IL15RA: variants seen among roughly 807,000 people sequenced by gnomAD.
IL15RA encodes the protein interleukin-15 receptor subunit alpha.
Under a neutral mutation model 24.2 loss-of-function variants are expected in IL15RA, and 26 were observed. The ratio of observed to expected loss-of-function variants is 1.07; its 90% confidence interval spans 0.79 to 1.49. The LOEUF is 1.49. Ranked by LOEUF, IL15RA falls within the 40% of genes most tolerant of loss-of-function variation. The pLI is 0.00. For synonymous variants in IL15RA, 166 were observed against 157.6 expected (o/e 1.05, Z -0.40); for missense variants, 354 against 356.4 (o/e 0.99, Z 0.05).
intron 5 of IL15RA, among the ~76,000 whole-genome samples, chr10:5,956,988 C>T (rs999410821): frequency 3.1e-5 from 4 of 128,400 alleles, no homozygotes; most frequent in African/African-American, 9.3e-5. Context: ...GAGACAGGGT[C>T]TCCCTCTGTC....
In IL15RA at chr10:5,968,554, T is replaced by G; in HGVS notation, c.89-2215A>C. On this transcript the variant is annotated intron_variant, in intron 1 of 6. Coordinates refer to ENST00000379977, the MANE Select transcript of IL15RA (RefSeq NM_002189.4). The surrounding 1 kb of genome is among the most constrained non-coding windows in gnomAD (Gnocchi z 5.4). ...TGAGAGATGGAGTCGATCTCACAAGTTGTTGAGGTGGATTTGGATGCTGCT... is the reference window on the plus strand; with the variant it reads ...TGAGAGATGGAGTCGATCTCACAAGGTGTTGAGGTGGATTTGGATGCTGCT... 3.6e-6 allele frequency: 2 copies of G among 549,082 alleles called. No homozygotes were observed. The highest frequency in any genetic ancestry group is 6.5e-6 in the Non-Finnish European group (2 of 305,908). 34.0% of individuals were successfully genotyped at this position (549,082 alleles called of 1,614,324 possible). A position where few individuals can be genotyped will look rare whatever the true frequency, so the allele number is the denominator to read the frequency against.
rs1025130448 is a variant in IL15RA at position 5,960,174 on chromosome 10, C to T, written c.583+193G>A. On this transcript the variant is annotated intron_variant, in intron 4 of 6. Coordinates refer to ENST00000379977, the MANE Select transcript of IL15RA (RefSeq NM_002189.4). This position sits in a 1 kb window ranked among gnomAD's most constrained non-coding sequence, Gnocchi z 5.1. ...GGGTGTGGGCTTGCTTTTGCAGCTG[C>T]CCCAGCCACAGAGAAAGCCACGGAG... is the stretch of plus-strand genomic sequence containing the variant. Among the ~76,000 whole-genome samples the T allele has an allele frequency of 2.6e-5, 4 of 152,204 alleles. No individual in the cohort carries two copies. The highest frequency in any genetic ancestry group is 9.7e-5 in the African/African-American group (4 of 41,450).
rs962927878 is a variant in IL15RA at position 5,964,065 on chromosome 10, A to G, written c.284-224T>C. On this transcript the variant is annotated intron_variant, in intron 2 of 6. Transcript: ENST00000379977. The surrounding 1 kb of genome is among the most constrained non-coding windows in gnomAD (Gnocchi z 5.6). Reference sequence around the variant, plus strand: ...TTTCCAAAAAGACTGCACAAGTTAAATATCAAATTTATTTTGGCTGAGATT... The same window carrying G: ...TTTCCAAAAAGACTGCACAAGTTAAGTATCAAATTTATTTTGGCTGAGATT... Among the ~76,000 whole-genome samples the G allele has an allele frequency of 1.3e-5, 2 of 152,252 alleles. No individual in the cohort carries two copies. The highest frequency in any genetic ancestry group is 2.9e-5 in the Non-Finnish European group (2 of 68,042).
rs1837356247 is a variant in IL15RA, at chr10:5,970,288, G to T, written c.89-3949C>A. Among the ~76,000 whole-genome samples the T allele has an allele frequency of 1.3e-5, 2 of 152,140 alleles. No homozygotes were observed. The highest frequency in any genetic ancestry group is 1.3e-4 in the Admixed American group (2 of 15,274). On this transcript the variant is annotated intron_variant, in intron 1 of 6. Transcript: ENST00000379977. This position sits in a 1 kb window ranked among gnomAD's most constrained non-coding sequence, Gnocchi z 4.1. ...AAAGATCTGAAACAGCAGACTTCCA[G>T]TCTCTCCCCCAAGCCCTTGTGCTAT...
At position 5,975,904 on chromosome 10, in the gene IL15RA, CAAGA is replaced by C. The variant is rs1838375325; in HGVS notation, c.88+1497_88+1500del. Among the ~76,000 whole-genome samples the C allele has an allele frequency of 6.6e-6, 1 of 151,858 alleles. No homozygotes were observed. Among genetic ancestry groups the C allele is most frequent in the African/African-American group, 2.4e-5 (1 of 41,302 alleles). On this transcript the variant is annotated intron_variant, in intron 1 of 6. Coordinates refer to ENST00000379977, the MANE Select transcript of IL15RA (RefSeq NM_002189.4). The surrounding 1 kb of genome is among the most constrained non-coding windows in gnomAD (Gnocchi z 4.8). ...TGAGACTCCGTCTCAAAAAAGAAAA[CAAGA>C]AAGAAAGAAAAAGAAAAAGAAAAAA...
In IL15RA at chr10:5,971,672, G is replaced by A. The variant is rs569045128; in HGVS notation, c.89-5333C>T. On this transcript the variant is annotated intron_variant, in intron 1 of 6. Transcript: ENST00000379977. The surrounding 1 kb of genome is among the most constrained non-coding windows in gnomAD (Gnocchi z 5.5). The stretch of plus-strand genomic sequence containing the variant: ...GATGCTCACTGTGGAGCTGGTGTAC[G>A]GAAAAGGCAAAGGCCTCTGGCCTCA... 3.9e-5 allele frequency among the ~76,000 whole-genome samples: 6 copies of A among 152,314 alleles called. No individual in the cohort carries two copies. The East Asian group carries it at 5.8e-4, about 15-fold the overall frequency.
At position 5,971,842 on chromosome 10, in the gene IL15RA, T is replaced by A. The variant is rs578073299; in HGVS notation, c.89-5503A>T. ...CAATTCTTTTCTTTCTCTCTCAGACTCATTAACTGAGCTTCCTGACCCACC... is the reference window on the plus strand; with the variant it reads ...CAATTCTTTTCTTTCTCTCTCAGACACATTAACTGAGCTTCCTGACCCACC... On this transcript the variant is annotated intron_variant, in intron 1 of 6. Transcript: ENST00000379977. The surrounding 1 kb of genome is among the most constrained non-coding windows in gnomAD (Gnocchi z 5.5). Among the ~76,000 whole-genome samples, 142 of 152,350 alleles carry A rather than the reference T, an allele frequency of 9.3e-4. No homozygotes were observed. Among genetic ancestry groups the A allele is most frequent in the African/African-American group, 3.3e-3 (139 of 41,578 alleles).
At chr10:5,951,296 C>T (rs994348343), downstream of IL15RA, among the ~76,000 whole-genome samples, 1 of 152,128 alleles carries the variant, frequency 6.6e-6, no homozygotes. Flanking sequence ...GCACTCCAGC[C>T]TGGGTGACAC....
rs1193662423 is a variant in IL15RA, at chr10:5,955,056, C to T, written c.692+1323G>A. ...TCATTTTGACTTTATAGTAGCATTTCATGGAATGTGCATTTTGTCAAAATT... is the reference window on the plus strand; with the variant it reads ...TCATTTTGACTTTATAGTAGCATTTTATGGAATGTGCATTTTGTCAAAATT... On this transcript the variant is annotated intron_variant, in intron 6 of 6. Transcript: ENST00000379977. The surrounding 1 kb of genome is among the most constrained non-coding windows in gnomAD (Gnocchi z 5.3). Among the ~76,000 whole-genome samples the T allele has an allele frequency of 6.6e-6, 1 of 150,670 alleles. No homozygotes were observed. Among genetic ancestry groups the T allele is most frequent in the African/African-American group, 2.4e-5 (1 of 41,026 alleles).
chr10:5,960,836 C>A lies in IL15RA; in HGVS notation c.383-269G>T, dbSNP rs1564496738. Among the ~76,000 whole-genome samples, 3 of 152,188 alleles carry A rather than the reference C, an allele frequency of 2.0e-5. No individual in the cohort carries two copies. The highest frequency in any genetic ancestry group is 4.1e-4 in the South Asian group (2 of 4,826). Reference sequence around the variant, plus strand: ...GTGGGTCATGCCTATAATCCCAACACTTTGGGAGGCTGAGGTGTGAGGATC... The same window carrying A: ...GTGGGTCATGCCTATAATCCCAACAATTTGGGAGGCTGAGGTGTGAGGATC... On this transcript the variant is annotated intron_variant, in intron 3 of 6. Coordinates refer to ENST00000379977, the MANE Select transcript of IL15RA (RefSeq NM_002189.4). The surrounding 1 kb of genome is among the most constrained non-coding windows in gnomAD (Gnocchi z 5.1).
intron 5 of IL15RA, among the ~76,000 whole-genome samples, chr10:5,957,631 T>C (rs1374625807): frequency 6.6e-6 from 1 of 150,536 alleles, no homozygotes; most frequent in Non-Finnish European, 1.5e-5. Context: ...CTCACTGTGT[T>C]GCCCAGGCTG....
In IL15RA at chr10:5,964,626, G is replaced by A. The variant is rs1223238278; in HGVS notation, c.284-785C>T. On this transcript the variant is annotated intron_variant, in intron 2 of 6. Coordinates refer to ENST00000379977, the MANE Select transcript of IL15RA (RefSeq NM_002189.4). The surrounding 1 kb of genome is among the most constrained non-coding windows in gnomAD (Gnocchi z 5.6). ...CTTTGGACTCTAAAATCCTGATTCC[G>A]GGTTCTCTTCTTTCCTCTCCCATCC... Among the ~76,000 whole-genome samples the A allele has an allele frequency of 2.6e-5, 4 of 152,080 alleles. No individual in the cohort carries two copies. Among genetic ancestry groups the A allele is most frequent in the African/African-American group, 4.8e-5 (2 of 41,394 alleles).
At position 5,970,266 on chromosome 10, in the gene IL15RA, G is replaced by T. The variant is rs1188989890; in HGVS notation, c.89-3927C>A. On this transcript the variant is annotated intron_variant, in intron 1 of 6. Coordinates refer to ENST00000379977, the MANE Select transcript of IL15RA (RefSeq NM_002189.4). This position sits in a 1 kb window ranked among gnomAD's most constrained non-coding sequence, Gnocchi z 4.1. Reference sequence around the variant, plus strand: ...TACCACCACATACATATCCTGTAAAGATCTGAAACAGCAGACTTCCAGTCT... The same window carrying T: ...TACCACCACATACATATCCTGTAAATATCTGAAACAGCAGACTTCCAGTCT... 6.6e-6 allele frequency among the ~76,000 whole-genome samples: 1 copy of T among 152,160 alleles called. No homozygotes were observed. Among genetic ancestry groups the T allele is most frequent in the Non-Finnish European group, 1.5e-5 (1 of 68,036 alleles).
At position 5,964,806 on chromosome 10, in the gene IL15RA, C is replaced by T. The variant is rs1301055965; in HGVS notation, c.284-965G>A. Among the ~76,000 whole-genome samples, 4 of 152,212 alleles carry T rather than the reference C, an allele frequency of 2.6e-5. No individual in the cohort carries two copies. The highest frequency in any genetic ancestry group is 5.9e-5 in the Non-Finnish European group (4 of 68,034). On this transcript the variant is annotated intron_variant, in intron 2 of 6. Coordinates refer to ENST00000379977, the MANE Select transcript of IL15RA (RefSeq NM_002189.4). This position sits in a 1 kb window ranked among gnomAD's most constrained non-coding sequence, Gnocchi z 5.6. ...AGTCCCAGGACTGGCAGAGTAAGAC[C>T]CACCGTGGTTCCCACAGATCCTGCT...
At chr10:5,974,651 C>A (rs1370071193) in intron 1 of IL15RA, among the ~76,000 whole-genome samples, 1 of 152,078 alleles carries the variant, frequency 6.6e-6, no homozygotes, top group African/African-American at 2.4e-5. Flanking sequence ...CCAAAGCAGG[C>A]AGATCCCCTG....
At position 5,965,535 on chromosome 10, in the gene IL15RA, C is replaced by T. The variant is rs1358360813; in HGVS notation, c.283+610G>A. Among the ~76,000 whole-genome samples, 4 of 152,196 alleles carry T rather than the reference C, an allele frequency of 2.6e-5. No individual in the cohort carries two copies. The highest frequency in any genetic ancestry group is 6.5e-5 in the Admixed American group (1 of 15,282). ...GGGTTCACGCCACCCTCCCACAGCC[C>T]GCAGTGTGGATATCAAGTCCGTTTT... On this transcript the variant is annotated intron_variant, in intron 2 of 6. Transcript: ENST00000379977. The surrounding 1 kb of genome is among the most constrained non-coding windows in gnomAD (Gnocchi z 5.8).
rs1227321672 is a variant in IL15RA, at chr10:5,968,797, G to A, written c.89-2458C>T. ...CTACCTGCTTGCTGCCTGCTTGTCCGATGGTGGTGGCACTGGGGGCAGTTT... is the reference window on the plus strand; with the variant it reads ...CTACCTGCTTGCTGCCTGCTTGTCCAATGGTGGTGGCACTGGGGGCAGTTT... On this transcript the variant is annotated intron_variant, in intron 1 of 6. Coordinates refer to ENST00000379977, the MANE Select transcript of IL15RA (RefSeq NM_002189.4). The surrounding 1 kb of genome is among the most constrained non-coding windows in gnomAD (Gnocchi z 5.4). 2.5e-5 allele frequency: 18 copies of A among 713,544 alleles called. No individual in the cohort carries two copies. Among genetic ancestry groups the A allele is most frequent in the African/African-American group, 1.0e-4 (6 of 57,384 alleles). 44.2% of individuals were successfully genotyped at this position (713,544 alleles called of 1,614,324 possible).
In IL15RA at chr10:5,974,277, G is replaced by A. The variant is rs554022949; in HGVS notation, c.88+3128C>T. On this transcript the variant is annotated intron_variant, in intron 1 of 6. Transcript: ENST00000379977. ...GGCCTCCCAAAGTGCTGGGATTACAGGTGTGAGCCACCACACCCAGCTGAT... is the reference window on the plus strand; with the variant it reads ...GGCCTCCCAAAGTGCTGGGATTACAAGTGTGAGCCACCACACCCAGCTGAT... Among the ~76,000 whole-genome samples the A allele has an allele frequency of 3.3e-4, 50 of 152,264 alleles. No individual in the cohort carries two copies. In the South Asian group the frequency reaches 3.5e-3, roughly 11 times the overall value.
At position 5,961,873 on chromosome 10, in the gene IL15RA, C is replaced by A. The variant is rs780757145; in HGVS notation, c.383-1306G>T. On this transcript the variant is annotated intron_variant, in intron 3 of 6. Coordinates refer to ENST00000379977, the MANE Select transcript of IL15RA (RefSeq NM_002189.4). The surrounding 1 kb of genome is among the most constrained non-coding windows in gnomAD (Gnocchi z 5.2). ...CCCAGCCACACAGGTCATGAGAAGG[C>A]CTCACGCCCCTTAATCCTGTGTCAC... is the stretch of plus-strand genomic sequence containing the variant. 6.6e-6 allele frequency among the ~76,000 whole-genome samples: 1 copy of A among 152,234 alleles called. No homozygotes were observed. Among genetic ancestry groups the A allele is most frequent in the Non-Finnish European group, 1.5e-5 (1 of 68,048 alleles).
Sources: allele counts gnomAD v4.1 joint callset (sites outside exome capture counted in the v4.1 genomes callset), GRCh38; gene constraint gnomAD v4.1.1; non-coding constraint Gnocchi (gnomAD v3.1); transcripts MANE v1.5; gene names NCBI Gene and HGNC (gene_info 2026-07-23, HGNC 2026-07-21).